PRKCQ: variants seen among roughly 807,000 people sequenced by gnomAD.
PRKCQ encodes the protein protein kinase C theta.
A neutral mutation model predicts 91.2 loss-of-function variants in PRKCQ; 41 were observed. That is an observed-to-expected ratio of 0.45 (90% confidence interval 0.35 to 0.58). The LOEUF (loss-of-function observed/expected upper bound fraction) is 0.58. Ranked by LOEUF, PRKCQ falls within the 20% of genes least tolerant of loss-of-function variation. The pLI is 0.00. For synonymous variants in PRKCQ, 307 were observed against 316.9 expected (o/e 0.97, Z 0.33); for missense variants, 673 against 896.5 (o/e 0.75, Z 3.18).
chr10:6,474,947 A>C (rs1446934772), intron 12 of PRKCQ, among the ~76,000 whole-genome samples: 8 of 152,180 alleles, frequency 5.3e-5, no homozygotes, highest in Non-Finnish European at 1.0e-4. Flanking sequence ...AGACTTTGTA[A>C]GACAGAAAAT....
intron 1 of PRKCQ, among the ~76,000 whole-genome samples, chr10:6,528,136 A>C (rs1223480963): frequency 6.6e-6 from 1 of 151,898 alleles, no homozygotes; most frequent in Non-Finnish European, 1.5e-5. Context: ...CTCCTTAAGC[A>C]CTGAGTTCCT....
At chr10:6,460,642 C>A (rs1055114056) in intron 14 of PRKCQ, among the ~76,000 whole-genome samples, 12 of 152,154 alleles carry the variant, frequency 7.9e-5, no homozygotes, top group African/African-American at 2.9e-4. Flanking sequence ...CAGGCAAGGG[C>A]CACTACACCC....
chr10:6,520,110 C>G (rs903540167), intron 1 of PRKCQ, among the ~76,000 whole-genome samples: 4 of 152,262 alleles, frequency 2.6e-5, no homozygotes, highest in African/African-American at 9.6e-5. Context: ...GGGGCTAGGT[C>G]CCCCCATAGA....
intron 16 of PRKCQ, among the ~76,000 whole-genome samples, chr10:6,437,259 A>T (rs1021179316): frequency 1.4e-4 from 21 of 152,302 alleles, no homozygotes; most frequent in African/African-American, 4.6e-4. Context: ...TTCGGGTTAA[A>T]TGAGGTCATG....
At chr10:6,563,692 G>C (rs202044886) in intron 1 of PRKCQ, among the ~76,000 whole-genome samples, 1 of 151,986 alleles carries the variant, frequency 6.6e-6, no homozygotes, top group Non-Finnish European at 1.5e-5. Context: ...TTTTCCCTCC[G>C]ACACTCCTCC....
At position 6,512,389 on chromosome 10, in the gene PRKCQ, A is replaced by G. The variant is rs372315711; in HGVS notation, c.119-1195T>C. On this transcript the variant is annotated intron_variant, in intron 2 of 17. Coordinates refer to ENST00000263125, the MANE Select transcript of PRKCQ (RefSeq NM_006257.5). ...AAAGGCAGGTAGGCAGGAGCCCTGG[A>G]AATAGTAACAAATCTGTAGACAGGA... is the stretch of plus-strand genomic sequence containing the variant. Among the ~76,000 whole-genome samples the G allele has an allele frequency of 7.4e-4, 113 of 152,360 alleles. 1 individual carries two copies. Among genetic ancestry groups the G allele is most frequent in the African/African-American group, 2.7e-3 (111 of 41,578 alleles).
chr10:6,483,674 T>C lies in PRKCQ; in HGVS notation c.1019-74A>G, dbSNP rs1025938173. On this transcript the variant is annotated intron_variant, in intron 10 of 17. Coordinates refer to ENST00000263125, the MANE Select transcript of PRKCQ (RefSeq NM_006257.5). ...CATTCTAGTTACTGAGAGCACATGC[T>C]TTCTCTTCTACTTCCCATGCTGAGG... is the stretch of plus-strand genomic sequence containing the variant. 7 of 1,535,750 alleles carry C rather than the reference T, an allele frequency of 4.6e-6. No individual in the cohort carries two copies. In the African/African-American group the frequency reaches 6.9e-5, roughly 15 times the overall value.
intron 1 of PRKCQ, among the ~76,000 whole-genome samples, chr10:6,562,034 T>C (rs1245480917): frequency 1.3e-5 from 2 of 152,142 alleles, no homozygotes; most frequent in African/African-American, 4.8e-5. Context: ...ATTTACAACA[T>C]TGTCAGTTCA....
intron 4 of PRKCQ, among the ~76,000 whole-genome samples, chr10:6,502,031 A>G (rs1461368394): frequency 6.6e-6 from 1 of 152,188 alleles, no homozygotes; most frequent in East Asian, 1.9e-4. Context: ...GTCCAGCTGA[A>G]CAGTTCAGCA....
rs562116561 is a variant in PRKCQ at position 6,445,968 on chromosome 10, G to A, written c.1648-3887C>T. On this transcript the variant is annotated intron_variant, in intron 15 of 17. Coordinates refer to ENST00000263125, the MANE Select transcript of PRKCQ (RefSeq NM_006257.5). ...ACAAAAAGAAAATTTGGAAGGACAG[G>A]AGACAGCTGTGGTGCAAATTAAGGC... 9.2e-5 allele frequency among the ~76,000 whole-genome samples: 14 copies of A among 152,334 alleles called. No homozygotes were observed. In the South Asian group the frequency reaches 2.9e-3, roughly 32 times the overall value.
intron 1 of PRKCQ, among the ~76,000 whole-genome samples, chr10:6,534,776 A>C (rs55639122): frequency 0.05 from 1,309 of 26,068 alleles, 45 homozygotes; most frequent in East Asian, 0.32. Context: ...ACATATATCT[A>C]TATATATATA....
chr10:6,404,968 T>TTCCTTCCTTCTC, the PRKCQ span, among the ~76,000 whole-genome samples: 1 of 147,190 alleles, frequency 6.8e-6, no homozygotes, highest in Non-Finnish European at 1.5e-5. Context: ...CCTTCCTTCC[T>TTCCTTCCTTCTC]TCTCTCTCTC....
intron 7 of PRKCQ, among the ~76,000 whole-genome samples, chr10:6,494,142 T>G (rs1053489805): frequency 6.6e-6 from 1 of 152,194 alleles, no homozygotes; most frequent in Admixed American, 6.5e-5. Flanking sequence ...ACATGCAGTC[T>G]AAGGGAAGCG....
intron 15 of PRKCQ, among the ~76,000 whole-genome samples, chr10:6,453,752 T>C (rs1834841810): frequency 6.6e-6 from 1 of 151,698 alleles, no homozygotes; most frequent in East Asian, 1.9e-4. Flanking sequence ...AAAAAAATGA[T>C]GAGTTCATGT....
intron 1 of PRKCQ, among the ~76,000 whole-genome samples, chr10:6,573,160 C>T (rs971695579): frequency 6.6e-6 from 1 of 152,072 alleles, no homozygotes; most frequent in African/African-American, 2.4e-5. Context: ...CTTGTTATCA[C>T]CCCCAAAATT....
the PRKCQ span, among the ~76,000 whole-genome samples, chr10:6,414,434 G>A: frequency 2.0e-5 from 3 of 151,890 alleles, no homozygotes; most frequent in Admixed American, 6.6e-5. Flanking sequence ...ACGAATTACC[G>A]GGCACACAAA....
At chr10:6,528,123 CCT>C (rs1839263226) in intron 1 of PRKCQ, among the ~76,000 whole-genome samples, 1 of 152,028 alleles carries the variant, frequency 6.6e-6, no homozygotes. Flanking sequence ...CTGCTTGCCC[CCT>C]CTCCTTAAGC....
chr10:6,548,576 CT>C (rs1564387030), intron 1 of PRKCQ, among the ~76,000 whole-genome samples: 5 of 147,546 alleles, frequency 3.4e-5, no homozygotes. Flanking sequence ...AGTTCATGTC[CT>C]TTGTAGGGAC....
chr10:6,476,383 T>A (rs1056864566), intron 12 of PRKCQ, among the ~76,000 whole-genome samples: 3 of 150,002 alleles, frequency 2.0e-5, no homozygotes, highest in East Asian at 1.9e-4. Flanking sequence ...AGAAGCCCAG[T>A]CTAAAATGTG....
Sources: gnomAD v4.1 joint callset for allele counts (sites outside exome capture counted in the v4.1 genomes callset) on GRCh38, gnomAD v4.1.1 for gene constraint, MANE v1.5 for transcripts, NCBI Gene and HGNC (gene_info 2026-07-23, HGNC 2026-07-21) for gene names.